SCN11A: variants seen among roughly 807,000 people sequenced by gnomAD.
SCN11A encodes sodium voltage-gated channel alpha subunit 11.
SCN11A carries 122 observed loss-of-function variants against 162.2 expected under a neutral mutation model. That is an observed-to-expected ratio of 0.75 (90% confidence interval 0.65 to 0.87). The LOEUF (loss-of-function observed/expected upper bound fraction) is 0.87. SCN11A is among the 40% of genes least tolerant of loss of function. SCN11A has a pLI of 0.00. For missense variants in SCN11A, 2,015 were observed against 2,181.6 expected, an observed-to-expected ratio of 0.92 and a Z score of 1.52; for synonymous variants, 758 against 751.5, an observed-to-expected ratio of 1.01 and a Z score of -0.14.
chr3:38,889,498 A>G (rs557445811), intron 19 of SCN11A, among the ~76,000 whole-genome samples: 9 of 152,002 alleles, frequency 5.9e-5, no homozygotes, highest in African/African-American at 2.2e-4. Flanking sequence ...CATTCAATGC[A>G]TTTGAAATAA....
At chr3:38,989,581 A>G (rs1257366889) in intron 2 of SCN11A, among the ~76,000 whole-genome samples, 2 of 152,226 alleles carry the variant, frequency 1.3e-5, no homozygotes, top group Non-Finnish European at 2.9e-5. Context: ...ATGTGCTTAG[A>G]AAGAGCAGGG....
chr3:38,847,092 C>T lies in SCN11A; in HGVS notation c.4978G>A (p.Ala1660Thr), dbSNP rs564668486. ...ADALPEPLRV[A>T]KPNKYQFLVM... The stretch of plus-strand genomic sequence containing the variant: ...AGAAATTGATATTTATTTGGCTTTG[C>T]GACACGCAAAGGCTCAGGCAAGGCA... Residue 1660 changes from alanine (A) to threonine (T), a missense_variant, in exon 30 of 30, where the codon GCA becomes ACA. Ala to Thr is a moderately conservative substitution (Grantham distance 58). Coordinates refer to ENST00000302328, the MANE Select transcript of SCN11A (RefSeq NM_001349253.2). 44 of 1,614,060 alleles carry T rather than the reference C, an allele frequency of 2.7e-5. No homozygotes were observed. Among genetic ancestry groups the T allele is most frequent in the Admixed American group, 6.7e-5 (4 of 60,014 alleles).
intron 28 of SCN11A, 60 bp from the exon 29 acceptor site, chr3:38,850,811 A>G (rs1030396530): frequency 1.5e-6 from 2 of 1,341,086 alleles, no homozygotes; most frequent in Non-Finnish European, 2.0e-6. Context: ...ACATACAATA[A>G]AAAGAACATA....
intron 2 of SCN11A, among the ~76,000 whole-genome samples, chr3:38,982,019 AAAAAC>A (rs1281367197): frequency 6.6e-6 from 1 of 152,066 alleles, no homozygotes; most frequent in African/African-American, 2.4e-5. Context: ...CTCAAAAAAA[AAAAAC>A]AAAACAAAAA....
At chr3:38,898,368 G>T (rs1474156897) in intron 17 of SCN11A, among the ~76,000 whole-genome samples, 2 of 152,180 alleles carry the variant, frequency 1.3e-5, no homozygotes, top group Non-Finnish European at 2.9e-5. Context: ...AAAGTCTATG[G>T]CTTCTTTTGT....
chr3:38,945,426 T>G lies in SCN11A; in HGVS notation c.473A>C (p.Asn158Thr). The G allele has an allele frequency of 1.2e-6, 2 of 1,609,918 alleles. No homozygotes were observed. Among genetic ancestry groups the G allele is most frequent in the Non-Finnish European group, 1.7e-6 (2 of 1,176,764 alleles). ...AAATACTTACTCTGCAATGTCAGTATTGTTACTGTTGCTGTTTTTAGCAGG... is the reference window on the plus strand; with the variant it reads ...AAATACTTACTCTGCAATGTCAGTAGTGTTACTGTTGCTGTTTTTAGCAGG... Reference protein sequence around the residue: ...TGPAKNSNSNNTDIAECVFTG... With the variant: ...TGPAKNSNSNTTDIAECVFTG... Residue 158 changes from asparagine to threonine, a missense_variant, in exon 7 of 30, where the codon AAT (asparagine) becomes ACT (threonine). Physicochemically the swap from Asn to Thr is moderately conservative, Grantham distance 65. Coordinates refer to ENST00000302328, the MANE Select transcript of SCN11A (RefSeq NM_001349253.2).
intron 11 of SCN11A, among the ~76,000 whole-genome samples, chr3:38,912,752 A>G (rs1227011756): frequency 6.6e-6 from 1 of 152,174 alleles, no homozygotes; most frequent in Non-Finnish European, 1.5e-5. Context: ...TTCCTGCTTT[A>G]GTTTGCTAAG....
intron 4 of SCN11A, among the ~76,000 whole-genome samples, chr3:38,951,682 CCT>C (rs1419940014): frequency 1.3e-5 from 2 of 152,224 alleles, no homozygotes; most frequent in Non-Finnish European, 2.9e-5. Context: ...CAATCAGCAC[CCT>C]GTGTCTAGCT....
At chr3:39,045,717 C>T (rs1282923883) in intron 1 of SCN11A, among the ~76,000 whole-genome samples, 1 of 152,080 alleles carries the variant, frequency 6.6e-6, no homozygotes, top group Non-Finnish European at 1.5e-5. Flanking sequence ...GAAAACTCTT[C>T]CTCTAAAAAC....
At chr3:38,930,944 T>G (rs367681833) in intron 7 of SCN11A, among the ~76,000 whole-genome samples, 17 of 152,084 alleles carry the variant, frequency 1.1e-4, no homozygotes, top group African/African-American at 3.9e-4. Flanking sequence ...CAGAGCAAAT[T>G]ACCTTCCCAT....
chr3:38,895,603 C>T (rs902237022), intron 18 of SCN11A, among the ~76,000 whole-genome samples: 4 of 152,190 alleles, frequency 2.6e-5, no homozygotes, highest in African/African-American at 9.7e-5. Flanking sequence ...TCCTCAAATT[C>T]CTTTGTTTGT....
chr3:38,849,656 A>G (rs927784762), intron 29 of SCN11A: 10 of 152,216 alleles, frequency 6.6e-5, no homozygotes, highest in African/African-American at 2.4e-4. Context: ...GTTTAATTAA[A>G]ACCAGACTTC....
chr3:38,914,325 C>T (rs371383520), intron 11 of SCN11A, among the ~76,000 whole-genome samples: 6 of 151,958 alleles, frequency 3.9e-5, no homozygotes, highest in Admixed American at 6.6e-5. Context: ...TAGTGGTTTT[C>T]GTACATTGAT....
At chr3:38,915,836 C>T (rs867651728) in intron 11 of SCN11A, among the ~76,000 whole-genome samples, 4 of 152,004 alleles carry the variant, frequency 2.6e-5, no homozygotes, top group Admixed American at 6.6e-5. Flanking sequence ...CCAATGTTGA[C>T]TTCAGGTCCT....
intron 5 of SCN11A, among the ~76,000 whole-genome samples, chr3:38,948,943 T>C (rs2066558570): frequency 6.6e-6 from 1 of 152,234 alleles, no homozygotes; most frequent in Non-Finnish European, 1.5e-5. Flanking sequence ...TGGAGTGTTT[T>C]TGCTCCTTCA....
chr3:38,847,034 C>T lies in SCN11A; in HGVS notation c.5036G>A (p.Arg1679His), dbSNP rs769083302. 2.5e-5 allele frequency: 40 copies of T among 1,613,636 alleles called. No individual in the cohort carries two copies. Among genetic ancestry groups the T allele is most frequent in the Non-Finnish European group, 2.9e-5 (34 of 1,179,886 alleles). The stretch of plus-strand genomic sequence containing the variant: ...GAAAAGAATATCCATGCAGTGGAGG[C>T]GATCTTCACTCACCATGGGCAAGTC... ...VMDLPMVSEDRLHCMDILFAF... is the reference protein window; with the variant it reads ...VMDLPMVSEDHLHCMDILFAF... The change falls in exon 30 of 30, where the codon CGC becomes CAC. Residue 1679 changes from arginine to histidine, a missense_variant. Coordinates refer to ENST00000302328, the MANE Select transcript of SCN11A (RefSeq NM_001349253.2).
At chr3:38,955,156 C>G (rs1378572787) in intron 3 of SCN11A, among the ~76,000 whole-genome samples, 1 of 152,100 alleles carries the variant, frequency 6.6e-6, no homozygotes, top group African/African-American at 2.4e-5. Context: ...GGTGTGGTGG[C>G]GTGTGCCTGT....
Position 39,016,161 on chromosome 3 carries a change from C to A in SCN11A, c.-280+16219G>T, listed in dbSNP as rs1438602286. On this transcript the variant is annotated intron_variant, in intron 2 of 29. Transcript: ENST00000302328. The stretch of plus-strand genomic sequence containing the variant: ...TAGCTTCACCTGATCCCACAGGGAA[C>A]TTTGAAGTATAAATTGTGCCACAGA... Among the ~76,000 whole-genome samples the A allele has an allele frequency of 2.0e-5, 3 of 152,180 alleles. No homozygotes were observed. In the East Asian group the frequency reaches 5.8e-4, roughly 29 times the overall value.
At chr3:38,895,063 T>G (rs898186170) in intron 18 of SCN11A, 99 bp from the exon 19 acceptor site, 3 of 1,108,248 alleles carry the variant, frequency 2.7e-6, no homozygotes, top group East Asian at 5.0e-5. Flanking sequence ...AAAAACAGAA[T>G]CAAATTAGAG....
Sources: gnomAD v4.1 joint callset for allele counts (sites outside exome capture counted in the v4.1 genomes callset) on GRCh38, gnomAD v4.1.1 for gene constraint, MANE v1.5 for transcripts, NCBI Gene and HGNC (gene_info 2026-07-23, HGNC 2026-07-21) for gene names.